Variants in FAM20A observed in about 807,000 individuals in gnomAD.
The protein encoded by FAM20A is FAM20A golgi associated secretory pathway pseudokinase.
A neutral mutation model predicts 52.0 loss-of-function variants in FAM20A; 42 were observed. The ratio of observed to expected loss-of-function variants is 0.81; its 90% CI spans 0.63 to 1.04. FAM20A has a LOEUF of 1.04. Ranked by LOEUF, FAM20A falls within the 50% of genes least tolerant of loss-of-function variation. FAM20A has a pLI of 0.00. For synonymous variants in FAM20A, 304 were observed against 298.9 expected (o/e 1.02, Z -0.18); for missense variants, 742 against 712.7 (o/e 1.04, Z -0.47).
At position 68,535,276 on chromosome 17, in the gene FAM20A, G is replaced by A; in HGVS notation, c.*2201C>T. Reference sequence around the variant, plus strand: ...AAAGTAATGGAAGGTTGAAAGATAAGTGAATAATAAGGTAGGTGTACCACA... The same window carrying A: ...AAAGTAATGGAAGGTTGAAAGATAAATGAATAATAAGGTAGGTGTACCACA... On this transcript the variant is annotated 3_prime_UTR_variant, in exon 11 of 11. Transcript: ENST00000592554. The A allele has an allele frequency of 2.2e-6, 1 of 454,056 alleles. No individual in the cohort carries two copies. The highest frequency in any genetic ancestry group is 4.4e-6 in the Non-Finnish European group (1 of 226,758). 28.1% of individuals were successfully genotyped at this position (454,056 alleles called of 1,614,324 possible). A position where few individuals can be genotyped will look rare whatever the true frequency, so the allele number is the denominator to read the frequency against.
At chr17:68,549,253 G>A (rs2086720903) in intron 4 of FAM20A, among the ~76,000 whole-genome samples, 2 of 152,174 alleles carry the variant, frequency 1.3e-5, no homozygotes. Flanking sequence ...CCAGCACATT[G>A]GGAGGCCAAG....
chr17:68,547,567 T>C (rs1025811643), intron 4 of FAM20A, among the ~76,000 whole-genome samples: 2 of 152,260 alleles, frequency 1.3e-5, no homozygotes, highest in African/African-American at 2.4e-5. Context: ...TTTTATGTTA[T>C]GGAGATGGCT....
intron 1 of FAM20A, among the ~76,000 whole-genome samples, chr17:68,581,146 G>A (rs1217867126): frequency 6.6e-6 from 1 of 152,176 alleles, no homozygotes. Context: ...TACTTCCAGA[G>A]CAGGGTACTG....
chr17:68,535,534 T>C lies in FAM20A; in HGVS notation c.*1943A>G. ...CTGTGTGTGATCTCCTGGTTCTTCA[T>C]CCACAGGGAAGAAACATCTTGAAGC... On this transcript the variant is annotated 3_prime_UTR_variant, in exon 11 of 11. Coordinates refer to ENST00000592554, the MANE Select transcript of FAM20A (RefSeq NM_017565.4). 1 of 454,014 alleles carries C rather than the reference T, an allele frequency of 2.2e-6. No homozygotes were observed. Among genetic ancestry groups the C allele is most frequent in the South Asian group, 1.6e-5 (1 of 64,478 alleles). The allele number at this position is 454,014 out of a possible 1,614,324, so 28.1% of individuals were successfully genotyped here. A position where few individuals can be genotyped will look rare whatever the true frequency, so the allele number is the denominator to read the frequency against.
intron 1 of FAM20A, chr17:68,597,914 ACT>A (rs1374251695): frequency 6.6e-6 from 1 of 151,580 alleles, no homozygotes; most frequent in African/African-American, 2.4e-5. Context: ...GGCAGGGAGC[ACT>A]CTCATTTAAG....
intron 1 of FAM20A, among the ~76,000 whole-genome samples, chr17:68,599,661 G>A (rs1026969111): frequency 6.6e-6 from 1 of 152,116 alleles, no homozygotes; most frequent in Admixed American, 6.5e-5. Context: ...TGAACAATGG[G>A]GTGGCTGCGG....
chr17:68,587,096 A>G (rs1043364625), intron 1 of FAM20A, among the ~76,000 whole-genome samples: 1 of 152,094 alleles, frequency 6.6e-6, no homozygotes, highest in Non-Finnish European at 1.5e-5. Flanking sequence ...GGGTTTCTCC[A>G]TGTTGGCCAG....
intron 1 of FAM20A, among the ~76,000 whole-genome samples, chr17:68,581,394 CT>C (rs1294488220): frequency 6.9e-6 from 1 of 144,994 alleles, no homozygotes; most frequent in Non-Finnish European, 1.5e-5. Flanking sequence ...TTCTTTCTTT[CT>C]TTCTTTCTTT....
At chr17:68,561,593 T>A (rs898877105) in intron 1 of FAM20A, among the ~76,000 whole-genome samples, 15 of 58,588 alleles carry the variant, frequency 2.6e-4, no homozygotes, top group Non-Finnish European at 5.2e-4. Context: ...TGATTGCTCT[T>A]TTTTTTTTTT....
chr17:68,563,948 C>T (rs2047707933), intron 1 of FAM20A, among the ~76,000 whole-genome samples: 1 of 152,140 alleles, frequency 6.6e-6, no homozygotes, highest in Non-Finnish European at 1.5e-5. Context: ...ATGACAATGC[C>T]ATAGTTCGAC....
chr17:68,584,261 G>A (rs2088100175), intron 1 of FAM20A, among the ~76,000 whole-genome samples: 1 of 151,868 alleles, frequency 6.6e-6, no homozygotes, highest in South Asian at 2.1e-4. Context: ...AGGTTGCAGT[G>A]AGCTGAGATG....
rs138878546 is a variant in FAM20A at position 68,542,023 on chromosome 17, G to A, written c.1071C>T (p.Asn357=). 5.9e-5 allele frequency: 95 copies of A among 1,613,998 alleles called. No homozygotes were observed. The African/African-American group carries it at 8.7e-4, about 15-fold the overall frequency. Residue 357 remains asparagine (N), a synonymous_variant, in exon 7 of 11, where the codon AAC becomes AAT. Transcript: ENST00000592554. ...LNLAPRLSVP[N]PWIRSYTLAG... is the part of the protein sequence containing the mutation. The stretch of plus-strand genomic sequence containing the variant: ...CCAGTGTGTAGGAGCGGATCCAGGG[G>A]TTGGGCACAGACAGCCTGGGGGCCA...
At position 68,541,451 on chromosome 17, in the gene FAM20A, TTC is replaced by T. The variant is rs370539982; in HGVS notation, c.1110-495_1110-494del. The T allele has an allele frequency of 4.7e-5, 9 of 190,544 alleles. No homozygotes were observed. In the East Asian group the frequency reaches 1.2e-3, roughly 26 times the overall value. The allele number at this position is 190,544 out of a possible 1,614,324, so 11.8% of individuals were successfully genotyped here. On this transcript the variant is annotated intron_variant, in intron 7 of 10. Coordinates refer to ENST00000592554, the MANE Select transcript of FAM20A (RefSeq NM_017565.4). ...TAGGATCTGTCATGTCCTCCAGAAATTCTGCCTGGTTACTTCTTTTCCCACGA... is the reference window on the plus strand; with the variant it reads ...TAGGATCTGTCATGTCCTCCAGAAATTGCCTGGTTACTTCTTTTCCCACGA...
chr17:68,541,071 G>A (rs1158220727), intron 7 of FAM20A, 113 bp from the exon 8 acceptor site: 1 of 1,482,826 alleles, frequency 6.7e-7, no homozygotes, highest in Non-Finnish European at 9.1e-7. Flanking sequence ...CCTGCCCTGG[G>A]CTGGTGGCAG....
At chr17:68,547,832 T>C (rs12942149) in intron 4 of FAM20A, among the ~76,000 whole-genome samples, 29,982 of 152,206 alleles carry the variant, frequency 0.2, 3,125 homozygotes, top group African/African-American at 0.26. Flanking sequence ...TCAAGAACTT[T>C]TCCTTTGCAT....
chr17:68,551,137 G>A (rs2086816829), intron 4 of FAM20A: 4 of 1,233,502 alleles, frequency 3.2e-6, no homozygotes, highest in African/African-American at 1.6e-5. Flanking sequence ...CACTGGGGCC[G>A]AACTCTAGGA....
rs74617626 is a variant in FAM20A, at chr17:68,594,016, C to T, written c.404+6247G>A. Reference sequence around the variant, plus strand: ...TGGTTAAGAGCATGGATTCTGAAGCCAGACCCTTTGGGTATAAACCCTGCC... The same window carrying T: ...TGGTTAAGAGCATGGATTCTGAAGCTAGACCCTTTGGGTATAAACCCTGCC... On this transcript the variant is annotated intron_variant, in intron 1 of 10. Transcript: ENST00000592554. 3.3e-3 allele frequency among the ~76,000 whole-genome samples: 502 copies of T among 152,324 alleles called. 2 individuals carry two copies. The highest frequency in any genetic ancestry group is 0.01 in the Middle Eastern group (3 of 294).
In FAM20A at chr17:68,537,387, G is replaced by A. The variant is rs974057709; in HGVS notation, c.*90C>T. ...TTCCTAGCTGACTTGACTCCCAGCA[G>A]TAACAGGTGGGAGTGAGGACGCAGG... On this transcript the variant is annotated 3_prime_UTR_variant, in exon 11 of 11. Transcript: ENST00000592554. This position sits in a 1 kb window ranked among gnomAD's most constrained non-coding sequence, Gnocchi z 4.2. 2 of 1,548,558 alleles carry A rather than the reference G, an allele frequency of 1.3e-6. No homozygotes were observed.
chr17:68,585,475 A>T (rs1204935185), intron 1 of FAM20A, among the ~76,000 whole-genome samples: 2 of 149,898 alleles, frequency 1.3e-5, no homozygotes, highest in Non-Finnish European at 3.0e-5. Context: ...TTTTATGTAA[A>T]TTTTTCTTTT....
Sources: allele counts gnomAD v4.1 joint callset (sites outside exome capture counted in the v4.1 genomes callset), GRCh38; gene constraint gnomAD v4.1.1; non-coding constraint Gnocchi (gnomAD v3.1); transcripts MANE v1.5; gene names NCBI Gene and HGNC (gene_info 2026-07-23, HGNC 2026-07-21).